PTPN4: variants seen among roughly 807,000 people sequenced by gnomAD.
PTPN4 encodes protein tyrosine phosphatase non-receptor type 4, also known as tyrosine-protein phosphatase non-receptor type 4.
A neutral mutation model predicts 135.5 loss-of-function variants in PTPN4; 49 were observed. The ratio of observed to expected loss-of-function variants is 0.36; its 90% CI spans 0.29 to 0.46. The LOEUF is 0.46. Among genes scored for constraint, PTPN4 ranks in the 20% least tolerant of loss-of-function variants. The pLI, the probability that PTPN4 is intolerant of heterozygous loss-of-function variation, is 1.00. For missense variants in PTPN4, 860 were observed against 1,101.0 expected (o/e 0.78, Z 3.10); for synonymous variants, 333 against 369.9 (o/e 0.90, Z 1.14).
At chr2:119,929,680 A>G (rs1057019796) in intron 13 of PTPN4, among the ~76,000 whole-genome samples, 1 of 152,142 alleles carries the variant, frequency 6.6e-6, no homozygotes, top group Non-Finnish European at 1.5e-5. Context: ...TCCACACTCA[A>G]CAGGAAACAT....
intron 1 of PTPN4, among the ~76,000 whole-genome samples, chr2:119,792,592 A>G (rs1446891408): frequency 6.6e-6 from 1 of 152,254 alleles, no homozygotes. Flanking sequence ...TTATTAACAT[A>G]ATGAAGAAAA....
Position 119,895,755 on chromosome 2 carries a change from A to C in PTPN4, c.676-4963A>C, listed in dbSNP as rs560624590. ...GCTAACACGGTGAAACCCCGTCTCT[A>C]CTAAAAATACAAAAAATTAGCTGGG... On this transcript the variant is annotated intron_variant, in intron 9 of 26. Coordinates refer to ENST00000263708, the MANE Select transcript of PTPN4 (RefSeq NM_002830.4). 1.1e-3 allele frequency among the ~76,000 whole-genome samples: 171 copies of C among 152,268 alleles called. 1 individual carries two copies. Among genetic ancestry groups the C allele is most frequent in the Non-Finnish European group, 1.9e-3 (128 of 68,004 alleles).
intron 7 of PTPN4, among the ~76,000 whole-genome samples, 153 bp downstream of exon 7, chr2:119,882,302 A>G (rs1037634523): frequency 6.6e-6 from 1 of 152,194 alleles, no homozygotes; most frequent in African/African-American, 2.4e-5. Context: ...TTAGTTAGCA[A>G]TTACTATGAT....
intron 24 of PTPN4, among the ~76,000 whole-genome samples, chr2:119,963,622 G>A (rs1054916153): frequency 3.9e-5 from 6 of 152,180 alleles, no homozygotes; most frequent in African/African-American, 1.4e-4. Flanking sequence ...GAAGCCAGAA[G>A]TTGTGCTGAT....
intron 3 of PTPN4, among the ~76,000 whole-genome samples, chr2:119,873,230 T>G (rs1574381135): frequency 6.6e-6 from 1 of 151,974 alleles, no homozygotes; most frequent in African/African-American, 2.4e-5. Flanking sequence ...CCATGTATCT[T>G]TCCCCTAATT....
intron 1 of PTPN4, among the ~76,000 whole-genome samples, chr2:119,791,906 G>A (rs1159344355): frequency 2.6e-5 from 4 of 151,938 alleles, no homozygotes; most frequent in East Asian, 1.9e-4. Context: ...TATCTTTCTC[G>A]GACTTTTATT....
At chr2:119,782,612 G>A (rs1021545011) in intron 1 of PTPN4, among the ~76,000 whole-genome samples, 1 of 151,606 alleles carries the variant, frequency 6.6e-6, no homozygotes, top group Non-Finnish European at 1.5e-5. Flanking sequence ...GACAGTAACA[G>A]ATTTAGAGTG....
chr2:119,879,106 A>C (rs930744761), intron 5 of PTPN4, among the ~76,000 whole-genome samples: 4 of 151,614 alleles, frequency 2.6e-5, no homozygotes, highest in Admixed American at 1.3e-4. Flanking sequence ...AAAAAAAAAA[A>C]CAAAAATGAA....
chr2:119,781,567 AGT>A (rs1418200395), intron 1 of PTPN4, among the ~76,000 whole-genome samples: 9 of 152,188 alleles, frequency 5.9e-5, no homozygotes, highest in Non-Finnish European at 7.3e-5. Context: ...ATTTATCTTC[AGT>A]GTATTCTGCT....
intron 26 of PTPN4, among the ~76,000 whole-genome samples, chr2:119,975,650 G>A (rs1382660060): frequency 3.3e-5 from 5 of 152,078 alleles, no homozygotes; most frequent in East Asian, 3.9e-4. Context: ...TCTTGAACCC[G>A]GGAGGAGGAG....
chr2:119,890,831 C>G (rs983100583), intron 9 of PTPN4, among the ~76,000 whole-genome samples: 3 of 152,132 alleles, frequency 2.0e-5, no homozygotes, highest in Non-Finnish European at 4.4e-5. Flanking sequence ...TTTCATTTCC[C>G]TTTCATTTAT....
At chr2:119,945,965 CAAGCAGTGG>C (rs986201315) in intron 16 of PTPN4, among the ~76,000 whole-genome samples, 3 of 152,048 alleles carry the variant, frequency 2.0e-5, no homozygotes, top group Non-Finnish European at 4.4e-5. Context: ...TCACATATAT[CAAGCAGTGG>C]AAGTATCATT....
intron 10 of PTPN4, among the ~76,000 whole-genome samples, chr2:119,909,804 G>A (rs905123755): frequency 2.0e-5 from 3 of 152,110 alleles, no homozygotes; most frequent in African/African-American, 7.2e-5. Flanking sequence ...CCTCATAGAT[G>A]ACTTTGAGGG....
intron 5 of PTPN4, among the ~76,000 whole-genome samples, chr2:119,880,426 A>ATT (rs565175185): frequency 6.9e-6 from 1 of 145,946 alleles, no homozygotes; most frequent in East Asian, 2.0e-4. Context: ...TTAACTTTGA[A>ATT]TTTTTTTTTT....
At chr2:119,935,067 A>G (rs899681070) in intron 15 of PTPN4, 109 bp downstream of exon 15, 13 of 1,286,858 alleles carry the variant, frequency 1.0e-5, no homozygotes, top group Middle Eastern at 5.2e-4. Context: ...TAATTATGCA[A>G]CTTTTCAAAA....
intron 19 of PTPN4, 137 bp downstream of exon 19, chr2:119,952,266 G>T: frequency 2.7e-6 from 2 of 742,646 alleles, no homozygotes; most frequent in East Asian, 3.3e-5. Context: ...TCATTGACAC[G>T]TGGAGCAGAA....
chr2:119,805,072 C>T (rs1316658243), intron 1 of PTPN4, among the ~76,000 whole-genome samples: 1 of 152,206 alleles, frequency 6.6e-6, no homozygotes, highest in African/African-American at 2.4e-5. Flanking sequence ...CTGTTGGCTG[C>T]ATAAATGTCT....
In PTPN4 at chr2:119,935,131, C is replaced by T. The variant is rs529075797; in HGVS notation, c.1355+173C>T. 844 of 703,032 alleles carry T rather than the reference C, an allele frequency of 1.2e-3. 1 individual carries two copies. The highest frequency in any genetic ancestry group is 1.8e-3 in the Non-Finnish European group (776 of 438,948). 43.5% of individuals were successfully genotyped at this position (703,032 alleles called of 1,614,324 possible). A position where few individuals can be genotyped will look rare whatever the true frequency, so the allele number is the denominator to read the frequency against. ...TTCCTGAGAGTTCTTGTTGCCTCTC[C>T]CTCCCCGACCCAGTCACTATGTTGT... On this transcript the variant is annotated intron_variant, in intron 15 of 26. Transcript: ENST00000263708.
intron 2 of PTPN4, among the ~76,000 whole-genome samples, chr2:119,857,815 T>C (rs1257098482): frequency 1.3e-5 from 2 of 152,196 alleles, no homozygotes; most frequent in Non-Finnish European, 2.9e-5. Flanking sequence ...TGTTTAGCAC[T>C]TGAAGTTTTT....
Sources: allele counts gnomAD v4.1 joint callset (sites outside exome capture counted in the v4.1 genomes callset), GRCh38; gene constraint gnomAD v4.1.1; transcripts MANE v1.5; gene names NCBI Gene and HGNC (gene_info 2026-07-23, HGNC 2026-07-21).